Variants in CDH18 observed in about 807,000 individuals in gnomAD.
CDH18 encodes the protein cadherin-18.
In CDH18, 31 loss-of-function variants were observed where a neutral mutation model predicts 67.9. That is an observed-to-expected ratio of 0.46 (90% CI 0.34 to 0.62). The LOEUF (loss-of-function observed/expected upper bound fraction) is 0.62, where lower values mean the gene tolerates loss of function less well. CDH18 is among the 20% of genes least tolerant of loss of function. CDH18 has a pLI of 0.01. For synonymous variants in CDH18, 362 were observed against 347.2 expected (o/e 1.04, Z -0.48); for missense variants, 890 against 975.5 (o/e 0.91, Z 1.17).
rs762348492 is a variant in CDH18, at chr5:19,473,393, G to A, written c.2206C>T (p.Gln736Ter). 1 of 1,613,874 alleles carries A rather than the reference G, an allele frequency of 6.2e-7. No individual in the cohort carries two copies. Among genetic ancestry groups the A allele is most frequent in the Non-Finnish European group, 8.5e-7 (1 of 1,179,874 alleles). Residue 736 changes from glutamine (Q) to a stop codon, truncating the protein, a stop_gained, in exon 13 of 13, where the codon CAG (glutamine) becomes TAG (stop). Coordinates refer to ENST00000382275, the MANE Select transcript of CDH18 (RefSeq NM_004934.5). LOFTEE classifies it high-confidence loss of function. ...DPSVPPYDSL[Q>*]TYAYEGQRSE... ...CTCTGACCCTCATAGGCATAAGTCT[G>A]AAGAGAGTCATAAGGGGGAACGCTA...
chr5:19,848,009 C>T (rs768443794), intron 2 of CDH18: 4 of 152,118 alleles, frequency 2.6e-5, no homozygotes, highest in African/African-American at 4.8e-5. Context: ...AAAAGGCAGA[C>T]CCTTAGGCAG....
intron 1 of CDH18, among the ~76,000 whole-genome samples, chr5:20,447,806 CAT>C (rs1462381004): frequency 1.3e-5 from 2 of 152,190 alleles, no homozygotes; most frequent in Non-Finnish European, 2.9e-5. Context: ...ACTACTCACA[CAT>C]GAGTTATCCT....
intron 1 of CDH18, among the ~76,000 whole-genome samples, chr5:20,509,362 A>G (rs1754872049): frequency 1.3e-5 from 2 of 150,640 alleles, no homozygotes; most frequent in Non-Finnish European, 3.0e-5. Context: ...TTCCCTTAAT[A>G]TAATCTACAG....
chr5:19,520,879 A>G, intron 9 of CDH18, 101 bp from the exon 10 acceptor site: 1 of 1,285,656 alleles, frequency 7.8e-7, no homozygotes, highest in Non-Finnish European at 1.1e-6. Flanking sequence ...CTGGTTCCAT[A>G]TGCCATAGCT....
intron 1 of CDH18, among the ~76,000 whole-genome samples, chr5:20,567,513 G>A (rs931780348): frequency 1.3e-5 from 2 of 152,160 alleles, no homozygotes; most frequent in African/African-American, 4.8e-5. Flanking sequence ...GCTAGTTTTA[G>A]GAGTACTAGC....
At chr5:20,154,042 C>A (rs1322313688) in intron 2 of CDH18, among the ~76,000 whole-genome samples, 13 of 152,152 alleles carry the variant, frequency 8.5e-5, no homozygotes, top group Admixed American at 8.5e-4. Flanking sequence ...ACTACTACCA[C>A]CATTTAATCC....
chr5:19,771,772 T>C (rs530987628), intron 3 of CDH18, among the ~76,000 whole-genome samples: 6 of 152,332 alleles, frequency 3.9e-5, no homozygotes, highest in Non-Finnish European at 8.8e-5. Flanking sequence ...GCTCCATTTG[T>C]ATACATTTAT....
rs1240670418 is a variant in CDH18, at chr5:19,721,382, T to A, written c.608A>T (p.Gln203Leu). ...NSARVVYSIL[Q>L]GQPYFSVDPK... Reference sequence around the variant, plus strand: ...GTCGACGGAGAAGTAGGGTTGTCCTTGGAGAATGCTGTAAACCACCCGAGC... The same window carrying A: ...GTCGACGGAGAAGTAGGGTTGTCCTAGGAGAATGCTGTAAACCACCCGAGC... Residue 203 changes from glutamine (Q) to leucine (L), a missense_variant, in exon 5 of 13, where the codon CAA becomes CTA. Around this residue, in one of 2 missense-constraint regions of CDH18, gnomAD observed 234 missense variants for 307.4 expected, o/e 0.76. Coordinates refer to ENST00000382275, the MANE Select transcript of CDH18 (RefSeq NM_004934.5). 6.2e-7 allele frequency: 1 copy of A among 1,608,358 alleles called. No homozygotes were observed. Among genetic ancestry groups the A allele is most frequent in the East Asian group, 2.2e-5 (1 of 44,846 alleles).
At chr5:19,905,500 T>C in intron 2 of CDH18, among the ~76,000 whole-genome samples, 1 of 151,888 alleles carries the variant, frequency 6.6e-6, no homozygotes, top group East Asian at 1.9e-4. Flanking sequence ...CATTAAAATA[T>C]ATATAATTTA....
chr5:20,386,035 T>C lies in CDH18; in HGVS notation c.-579-130530A>G, dbSNP rs114982037. 7.5e-3 allele frequency among the ~76,000 whole-genome samples: 1,145 copies of C among 152,314 alleles called. 14 individuals are homozygous for C. The highest frequency in any genetic ancestry group is 0.026 in the African/African-American group (1,098 of 41,578). On this transcript the variant is annotated intron_variant, in intron 1 of 14. Transcript: ENST00000507958. ...TATGTATGTAATTATGAATCTATCA[T>C]GTTCTGTTTATGAGAAGAGAGCTCC...
At chr5:20,272,657 A>G (rs939716204) in intron 1 of CDH18, among the ~76,000 whole-genome samples, 8 of 152,078 alleles carry the variant, frequency 5.3e-5, no homozygotes, top group Non-Finnish European at 4.4e-5. Context: ...TAAAATATTT[A>G]TATTGACATA....
intron 2 of CDH18, among the ~76,000 whole-genome samples, chr5:19,869,889 T>C (rs2150014961): frequency 6.6e-6 from 1 of 152,244 alleles, no homozygotes; most frequent in South Asian, 2.1e-4. Context: ...CTTGTAAGTC[T>C]TACTAGAACA....
intron 1 of CDH18, chr5:20,305,067 A>G: frequency 6.3e-7 from 1 of 1,599,054 alleles, no homozygotes; most frequent in Non-Finnish European, 8.6e-7. Flanking sequence ...TGGGATTTGA[A>G]ACTTTTTTAT....
chr5:19,893,449 T>C (rs1476566246), intron 2 of CDH18, among the ~76,000 whole-genome samples: 2 of 152,148 alleles, frequency 1.3e-5, no homozygotes, highest in Non-Finnish European at 2.9e-5. Context: ...ACAGAGGGAC[T>C]TCAAAAAGAA....
chr5:19,811,152 AAGAAAGAAG>A (rs1778677874), intron 3 of CDH18, among the ~76,000 whole-genome samples: 4 of 37,440 alleles, frequency 1.1e-4, no homozygotes, highest in Admixed American at 5.6e-4. Context: ...GAAAGAAAGA[AAGAAAGAAG>A]GAGAGAAAGA....
chr5:20,056,307 TC>T (rs1421196185), intron 2 of CDH18, among the ~76,000 whole-genome samples: 1 of 148,646 alleles, frequency 6.7e-6, no homozygotes, highest in African/African-American at 2.5e-5. Flanking sequence ...CGCAGCCAAG[TC>T]CTTTTGATTT....
intron 1 of CDH18, among the ~76,000 whole-genome samples, chr5:20,428,905 C>T (rs1201997818): frequency 6.6e-6 from 1 of 151,954 alleles, no homozygotes; most frequent in Non-Finnish European, 1.5e-5. Context: ...AGTGAATTTC[C>T]CATCATCCAG....
intron 1 of CDH18, among the ~76,000 whole-genome samples, chr5:20,523,929 G>A (rs1755897609): frequency 6.6e-6 from 1 of 152,226 alleles, no homozygotes; most frequent in South Asian, 2.1e-4. Context: ...AGGGAGACAA[G>A]AGATTGGGAC....
chr5:20,271,320 T>C (rs1198587694), intron 1 of CDH18, among the ~76,000 whole-genome samples: 1 of 152,068 alleles, frequency 6.6e-6, no homozygotes, highest in African/African-American at 2.4e-5. Context: ...GATTACGAAG[T>C]AGAGCTCAAT....
Sources: gnomAD v4.1 joint callset for allele counts (sites outside exome capture counted in the v4.1 genomes callset) on GRCh38, gnomAD v4.1.1 for gene constraint, gnomAD v4.1.1 regional missense constraint, MANE v1.5 for transcripts, NCBI Gene and HGNC (gene_info 2026-07-23, HGNC 2026-07-21) for gene names.